The following PTCHD4 variants were observed in gnomAD, a reference collection of about 807,000 sequenced individuals.
PTCHD4 encodes patched domain-containing protein 4.
PTCHD4 carries 33 observed loss-of-function variants against 58.1 expected under a neutral mutation model. The observed-to-expected ratio is 0.57, with a 90% CI of 0.43 to 0.76. The LOEUF is 0.76. PTCHD4 is among the 30% of genes least tolerant of loss of function. The pLI is 0.00. For synonymous variants in PTCHD4, 478 were observed against 409.6 expected (o/e 1.17, Z -2.02); for missense variants, 1,058 against 1,027.1 (o/e 1.03, Z -0.41).
intron 1 of PTCHD4, among the ~76,000 whole-genome samples, chr6:48,105,220 C>A (rs1203918488): frequency 1.3e-5 from 2 of 151,784 alleles, no homozygotes; most frequent in South Asian, 2.1e-4. Flanking sequence ...CTCCTCAGCA[C>A]ATGTAAAAGA....
chr6:48,001,429 G>C (rs1374465227), intron 4 of PTCHD4, among the ~76,000 whole-genome samples: 1 of 152,164 alleles, frequency 6.6e-6, no homozygotes, highest in East Asian at 1.9e-4. Context: ...CAACGGAACA[G>C]AACAGATCCC....
At chr6:47,911,249 G>A (rs1765059493) in intron 4 of PTCHD4, among the ~76,000 whole-genome samples, 1 of 152,012 alleles carries the variant, frequency 6.6e-6, no homozygotes, top group Non-Finnish European at 1.5e-5. Context: ...TTTTCAGGCA[G>A]TGCATCCTAC....
chr6:47,919,301 C>A (rs539258277), intron 4 of PTCHD4, among the ~76,000 whole-genome samples: 1 of 151,994 alleles, frequency 6.6e-6, no homozygotes, highest in East Asian at 1.9e-4. Flanking sequence ...ATACCAGATC[C>A]CTGCTCTTAA....
At chr6:47,975,560 G>A (rs1442799499) in intron 4 of PTCHD4, among the ~76,000 whole-genome samples, 1 of 152,052 alleles carries the variant, frequency 6.6e-6, no homozygotes, top group African/African-American at 2.4e-5. Flanking sequence ...TACTAATCTT[G>A]TCTTGCATTG....
At position 47,859,875 on chromosome 6, in the gene PTCHD4, A is replaced by T. The variant is rs1763381273; in HGVS notation, c.*18428T>A. Among the ~76,000 whole-genome samples the T allele has an allele frequency of 6.6e-6, 1 of 151,992 alleles. No individual in the cohort carries two copies. Among genetic ancestry groups the T allele is most frequent in the African/African-American group, 2.4e-5 (1 of 41,418 alleles). On this transcript the variant is annotated 3_prime_UTR_variant, in exon 5 of 5. Coordinates refer to ENST00000339488, the MANE Select transcript of PTCHD4 (RefSeq NM_001384253.1). ...AGCATTCAGGGTGGTGGGAACTGCA[A>T]TGACAAAAGACCAAAGGGGGTGCAT...
chr6:48,003,532 G>T (rs1477258975), intron 4 of PTCHD4, among the ~76,000 whole-genome samples: 1 of 151,918 alleles, frequency 6.6e-6, no homozygotes, highest in African/African-American at 2.4e-5. Flanking sequence ...CTGCTCCCAC[G>T]CTATTTCACA....
chr6:47,969,694 C>T (rs1395071720), intron 4 of PTCHD4, among the ~76,000 whole-genome samples: 2 of 152,214 alleles, frequency 1.3e-5, no homozygotes, highest in Middle Eastern at 3.4e-3. Flanking sequence ...AAGAATTTCT[C>T]AGTACTTAAT....
chr6:47,919,150 T>C (rs1353671967), intron 4 of PTCHD4, among the ~76,000 whole-genome samples: 1 of 152,164 alleles, frequency 6.6e-6, no homozygotes, highest in African/African-American at 2.4e-5. Flanking sequence ...TACCATTATT[T>C]TGGGTTCCTT....
At chr6:47,954,900 C>T (rs7772294) in intron 4 of PTCHD4, among the ~76,000 whole-genome samples, 6,245 of 152,188 alleles carry the variant, frequency 0.041, 164 homozygotes, top group Admixed American at 0.069. Flanking sequence ...AATATGGCTT[C>T]CACCCAGCTT....
In PTCHD4 at chr6:47,863,431, G is replaced by A. The variant is rs1438871384; in HGVS notation, c.*14872C>T. Among the ~76,000 whole-genome samples the A allele has an allele frequency of 2.0e-5, 3 of 151,808 alleles. No individual in the cohort carries two copies. The highest frequency in any genetic ancestry group is 4.4e-5 in the Non-Finnish European group (3 of 67,890). ...TATTATTTGGCCTAATAATATAATAGTGTTTCAGCCTCATTATTTCTGGTT... is the reference window on the plus strand; with the variant it reads ...TATTATTTGGCCTAATAATATAATAATGTTTCAGCCTCATTATTTCTGGTT... On this transcript the variant is annotated 3_prime_UTR_variant, in exon 5 of 5. Coordinates refer to ENST00000339488, the MANE Select transcript of PTCHD4 (RefSeq NM_001384253.1).
rs1221703506 is a variant in PTCHD4 at position 47,877,618 on chromosome 6, T to C, written c.*685A>G. Among the ~76,000 whole-genome samples, 1 of 152,074 alleles carries C rather than the reference T, an allele frequency of 6.6e-6. No homozygotes were observed. The highest frequency in any genetic ancestry group is 2.4e-5 in the African/African-American group (1 of 41,440). ...CACAGTTGAATGACACACTGACTGC[T>C]GAGACACTTGGGTTGATTTAGAACG... On this transcript the variant is annotated 3_prime_UTR_variant, in exon 5 of 5. Transcript: ENST00000339488.
chr6:47,858,443 TAATGGA>T lies in PTCHD4; in HGVS notation c.*19854_*19859del, dbSNP rs1763347821. ...GAGAATGAGGCAGAAATGTAAACAT[TAATGGA>T]AATAAAAGTTATCACATCTCCCAAA... On this transcript the variant is annotated 3_prime_UTR_variant, in exon 5 of 5. Transcript: ENST00000339488. 6.6e-6 allele frequency among the ~76,000 whole-genome samples: 1 copy of T among 151,986 alleles called. No homozygotes were observed. Among genetic ancestry groups the T allele is most frequent in the African/African-American group, 2.4e-5 (1 of 41,430 alleles).
At chr6:48,060,469 C>A (rs1378049782) in intron 3 of PTCHD4, among the ~76,000 whole-genome samples, 2 of 152,082 alleles carry the variant, frequency 1.3e-5, no homozygotes, top group Non-Finnish European at 2.9e-5. Context: ...TATGCTCTGT[C>A]TTCAGTCTTT....
intron 4 of PTCHD4, among the ~76,000 whole-genome samples, chr6:47,919,138 A>G (rs1193665869): frequency 6.6e-6 from 1 of 152,172 alleles, no homozygotes; most frequent in Non-Finnish European, 1.5e-5. Flanking sequence ...TTTGATTATA[A>G]GTACCATTAT....
chr6:47,999,252 T>G (rs1253252681), intron 4 of PTCHD4, among the ~76,000 whole-genome samples: 1 of 152,216 alleles, frequency 6.6e-6, no homozygotes, highest in Non-Finnish European at 1.5e-5. Context: ...GGAGCTGGAC[T>G]GGACTCCAAG....
In PTCHD4 at chr6:47,876,948, G is replaced by A. The variant is rs1372526506; in HGVS notation, c.*1355C>T. 1.3e-5 allele frequency among the ~76,000 whole-genome samples: 2 copies of A among 151,860 alleles called. No individual in the cohort carries two copies. Among genetic ancestry groups the A allele is most frequent in the African/African-American group, 4.8e-5 (2 of 41,358 alleles). On this transcript the variant is annotated 3_prime_UTR_variant, in exon 5 of 5. Transcript: ENST00000339488. The stretch of plus-strand genomic sequence containing the variant: ...AGAGCTGCGATCACCCTAGGAGGTG[G>A]GCCAACCGAGGAGCACTTTCCAGGT...
At chr6:47,925,047 C>T (rs1246103562) in intron 4 of PTCHD4, among the ~76,000 whole-genome samples, 1 of 149,258 alleles carries the variant, frequency 6.7e-6, no homozygotes, top group Non-Finnish European at 1.5e-5. Flanking sequence ...ATGTATAGCG[C>T]TTACAACCAG....
At chr6:47,905,826 TC>T (rs1469717887) in intron 4 of PTCHD4, among the ~76,000 whole-genome samples, 1 of 152,206 alleles carries the variant, frequency 6.6e-6, no homozygotes. Context: ...TCAGCTCCTT[TC>T]TACCCTTTTT....
At chr6:48,047,377 G>C (rs993382483) in intron 3 of PTCHD4, among the ~76,000 whole-genome samples, 11 of 151,598 alleles carry the variant, frequency 7.3e-5, no homozygotes, top group African/African-American at 2.4e-4. Context: ...ACTTTTCTCT[G>C]CATTTACTCT....
Sources: gnomAD v4.1 joint callset for allele counts (sites outside exome capture counted in the v4.1 genomes callset) on GRCh38, gnomAD v4.1.1 for gene constraint, MANE v1.5 for transcripts, NCBI Gene and HGNC (gene_info 2026-07-23, HGNC 2026-07-21) for gene names.